SCFD1: variants seen among roughly 807,000 people sequenced by gnomAD.
SCFD1 encodes sec1 family domain containing 1.
In SCFD1, 37 loss-of-function variants were observed where a neutral mutation model predicts 103.2. The observed-to-expected ratio is 0.36, with a 90% CI of 0.28 to 0.47. The LOEUF (loss-of-function observed/expected upper bound fraction) is 0.47. Ranked by LOEUF, SCFD1 falls within the 20% of genes least tolerant of loss-of-function variation. The pLI is 1.00. For synonymous variants in SCFD1, 264 were observed against 245.0 expected, an observed-to-expected ratio of 1.08 and a Z score of -0.73; for missense variants, 639 against 761.2, an observed-to-expected ratio of 0.84 and a Z score of 1.89.
chr14:30,658,137 G>A (rs1407623870), intron 10 of SCFD1: 1 of 452,104 alleles, frequency 2.2e-6, no homozygotes, highest in Non-Finnish European at 4.4e-6. Context: ...TCAAAGGGAT[G>A]GACATTATTT....
At position 30,673,976 on chromosome 14, in the gene SCFD1, C is replaced by G. The variant is rs1480752328; in HGVS notation, c.1139C>G (p.Ala380Gly). 1.2e-6 allele frequency: 2 copies of G among 1,613,142 alleles called. No homozygotes were observed. The highest frequency in any genetic ancestry group is 1.7e-6 in the Non-Finnish European group (2 of 1,179,408). Residue 380 changes from alanine to glycine, a missense_variant, in exon 13 of 25, where the codon GCT becomes GGT. Coordinates refer to ENST00000458591, the MANE Select transcript of SCFD1 (RefSeq NM_016106.4). ...GAISMLSDNT[A>G]KLTSAVSSLP... ...ATAAGTATGCTTTCTGACAATACCG[C>G]TAAGCTAACATCAGCTGTTAGGTAA...
In SCFD1 at chr14:30,673,946, G is replaced by A; in HGVS notation, c.1109G>A (p.Gly370Glu). 9 of 1,613,532 alleles carry A rather than the reference G, an allele frequency of 5.6e-6. No homozygotes were observed. The highest frequency in any genetic ancestry group is 7.6e-6 in the Non-Finnish European group (9 of 1,179,636). The part of the protein sequence containing the change: ...SIMGLEGEDE[G>E]AISMLSDNTA... Reference sequence around the variant, plus strand: ...AAGGGACTAGAAGGGGAAGATGAAGGAGCCATAAGTATGCTTTCTGACAAT... The same window carrying A: ...AAGGGACTAGAAGGGGAAGATGAAGAAGCCATAAGTATGCTTTCTGACAAT... Residue 370 changes from glycine to glutamate, a missense_variant, in exon 13 of 25, where the codon GGA (glycine) becomes GAA (glutamate). Gly to Glu is a moderately conservative substitution (Grantham distance 98, BLOSUM62 -2). Transcript: ENST00000458591.
At chr14:30,653,465 A>AT in intron 9 of SCFD1, 24 bp from the exon 10 acceptor site, 2 of 1,491,242 alleles carry the variant, frequency 1.3e-6, no homozygotes, top group South Asian at 1.1e-5. Context: ...GAGTTATGTA[A>AT]TTTTTTTATA....
chr14:30,629,600 A>G (rs1234934653), intron 2 of SCFD1, among the ~76,000 whole-genome samples: 3 of 133,602 alleles, frequency 2.2e-5, no homozygotes, highest in Non-Finnish European at 4.7e-5. Flanking sequence ...TTTTTTTGAG[A>G]TGGAATCTCG....
At position 30,702,457 on chromosome 14, in the gene SCFD1, A is replaced by T. The variant is rs548406768; in HGVS notation, c.1490+82A>T. 1.2e-5 allele frequency: 10 copies of T among 815,574 alleles called. No homozygotes were observed. The East Asian group carries it at 2.7e-4, about 22-fold the overall frequency. 50.5% of individuals were successfully genotyped at this position (815,574 alleles called of 1,614,324 possible). On this transcript the variant is annotated intron_variant, in intron 17 of 24. Transcript: ENST00000458591. ...CATTCCCAAGAAAATGGGAATGCTA[A>T]TAAGAAAACTGAACAATGCCTTGGT... is the stretch of plus-strand genomic sequence containing the variant.
chr14:30,666,664 TAAA>T (rs1362195343), intron 10 of SCFD1, among the ~76,000 whole-genome samples: 5 of 151,548 alleles, frequency 3.3e-5, no homozygotes, highest in African/African-American at 1.2e-4. Flanking sequence ...GCAAGACTAA[TAAA>T]GAAGAAAAGA....
chr14:30,680,256 T>C (rs1478729313), intron 14 of SCFD1, among the ~76,000 whole-genome samples: 6 of 152,146 alleles, frequency 3.9e-5, no homozygotes, highest in Admixed American at 2.6e-4. Flanking sequence ...CAAAACTCAA[T>C]AATGAGAAAG....
intron 20 of SCFD1, among the ~76,000 whole-genome samples, chr14:30,717,900 A>G (rs1008544855): frequency 5.9e-5 from 9 of 152,224 alleles, no homozygotes; most frequent in East Asian, 1.9e-4. Flanking sequence ...AAGAAAAAAA[A>G]AAAAAAAGCA....
intron 23 of SCFD1, among the ~76,000 whole-genome samples, chr14:30,733,980 T>C (rs905968201): frequency 1.1e-4 from 17 of 152,176 alleles, no homozygotes; most frequent in African/African-American, 3.9e-4. Flanking sequence ...CCCAATTATA[T>C]GACCCATATA....
chr14:30,675,479 A>G (rs949079955), intron 14 of SCFD1: 1 of 153,160 alleles, frequency 6.5e-6, no homozygotes, highest in Non-Finnish European at 1.5e-5. Flanking sequence ...TTTTAAATTT[A>G]GAGAATCTGT....
chr14:30,734,321 T>C (rs897114779), intron 23 of SCFD1, among the ~76,000 whole-genome samples: 3 of 152,220 alleles, frequency 2.0e-5, no homozygotes, highest in African/African-American at 7.2e-5. Flanking sequence ...ATGTTGACAA[T>C]GTGGAATGAG....
At chr14:30,702,214 C>T in intron 16 of SCFD1, 82 bp from the exon 17 acceptor site, 3 of 949,584 alleles carry the variant, frequency 3.2e-6, no homozygotes, top group Non-Finnish European at 4.8e-6. Context: ...TTTGGTCTTA[C>T]TTTTTAATTA....
At chr14:30,720,583 A>T (rs749851526) in intron 21 of SCFD1, among the ~76,000 whole-genome samples, 55 of 152,288 alleles carry the variant, frequency 3.6e-4, no homozygotes, top group Middle Eastern at 6.8e-3. Flanking sequence ...GGATGGTTGA[A>T]TCTATACAGA....
intron 4 of SCFD1, among the ~76,000 whole-genome samples, 174 bp from the exon 5 acceptor site, chr14:30,637,951 T>G (rs1884894399): frequency 6.6e-6 from 1 of 152,190 alleles, no homozygotes; most frequent in Admixed American, 6.5e-5. Flanking sequence ...TTTAGTTACA[T>G]CTGATAACCA....
rs1320411184 is a variant in SCFD1 at position 30,622,347 on chromosome 14, G to GGCGGCGGCA, written c.13_21dup (p.Ala5_Ala7dup). 1.9e-6 allele frequency: 3 copies of GGCGGCGGCA among 1,571,440 alleles called. No individual in the cohort carries two copies. Among genetic ancestry groups the GGCGGCGGCA allele is most frequent in the East Asian group, 4.7e-5 (2 of 42,490 alleles). On this transcript the variant is annotated inframe_insertion, in exon 1 of 25. Transcript: ENST00000458591. ...GGCTCGTGGGAGCCAAGATGGCGGC[G>GGCGGCGGCA]GCGGCGGCAGCGACAGCAGCAGCAG... is the stretch of plus-strand genomic sequence containing the variant.
At chr14:30,705,783 C>A (rs1183300741) in intron 17 of SCFD1, 40 bp from the exon 18 acceptor site, 3 of 1,507,966 alleles carry the variant, frequency 2.0e-6, no homozygotes, top group South Asian at 1.1e-5. Flanking sequence ...AGAGTTAGTT[C>A]TAATAATTAG....
rs1425951840 is a variant in SCFD1, at chr14:30,648,110, A to G, written c.614-1418A>G. On this transcript the variant is annotated intron_variant, in intron 7 of 24. Coordinates refer to ENST00000458591, the MANE Select transcript of SCFD1 (RefSeq NM_016106.4). ...TATACACACAGACTTAGTAGATTAT[A>G]TGTAGAAAACAACATGGAGGCATCC... is the stretch of plus-strand genomic sequence containing the variant. 3.3e-5 allele frequency among the ~76,000 whole-genome samples: 5 copies of G among 152,238 alleles called. No homozygotes were observed. In the South Asian group the frequency reaches 6.2e-4, roughly 19 times the overall value.
At chr14:30,668,122 G>A (rs1234916844) in intron 10 of SCFD1, among the ~76,000 whole-genome samples, 3 of 152,126 alleles carry the variant, frequency 2.0e-5, no homozygotes, top group Admixed American at 2.0e-4. Flanking sequence ...CAAAGCTGGA[G>A]GCATCACACT....
chr14:30,626,006 T>A (rs562989752), intron 1 of SCFD1, among the ~76,000 whole-genome samples: 1 of 152,184 alleles, frequency 6.6e-6, no homozygotes, highest in South Asian at 2.1e-4. Flanking sequence ...TTCCTCCCTC[T>A]TGGGCGTGAG....
Sources: gnomAD v4.1 joint callset for allele counts (sites outside exome capture counted in the v4.1 genomes callset) on GRCh38, gnomAD v4.1.1 for gene constraint, MANE v1.5 for transcripts, NCBI Gene and HGNC (gene_info 2026-07-23, HGNC 2026-07-21) for gene names.